The following SH3PXD2B variants were observed in gnomAD, a reference collection of about 807,000 sequenced individuals.
SH3PXD2B encodes the protein SH3 and PX domain-containing protein 2B.
Under a neutral mutation model 73.1 loss-of-function variants are expected in SH3PXD2B, and 37 were observed. That is an observed-to-expected ratio of 0.51 (90% CI 0.39 to 0.67). SH3PXD2B has a LOEUF of 0.67. Among genes scored for constraint, SH3PXD2B ranks in the 30% least tolerant of loss-of-function variants. The pLI is 0.00. For synonymous variants in SH3PXD2B, 457 were observed against 480.5 expected (o/e 0.95, Z 0.64); for missense variants, 1,053 against 1,197.8 (o/e 0.88, Z 1.78).
chr5:172,436,616 C>T (rs921648961), intron 1 of SH3PXD2B, among the ~76,000 whole-genome samples: 2 of 152,208 alleles, frequency 1.3e-5, no homozygotes, highest in African/African-American at 2.4e-5. Flanking sequence ...GCTGAGAATG[C>T]GGGCCCTCTG....
intron 5 of SH3PXD2B, among the ~76,000 whole-genome samples, chr5:172,376,468 C>G (rs1167930395): frequency 6.6e-6 from 1 of 152,166 alleles, no homozygotes; most frequent in African/African-American, 2.4e-5. Flanking sequence ...TGTGCATTTT[C>G]TTTGGAGAAA....
chr5:172,398,785 T>C (rs974130709), intron 3 of SH3PXD2B, among the ~76,000 whole-genome samples: 1 of 152,236 alleles, frequency 6.6e-6, no homozygotes, highest in African/African-American at 2.4e-5. Flanking sequence ...TTCTACACCA[T>C]GGGGAGATTC....
chr5:172,406,347 C>T lies in SH3PXD2B; in HGVS notation c.162G>A (p.Gln54=). The change falls in exon 3 of 13, where the codon CAG becomes CAA. Residue 54 remains glutamine, a synonymous_variant. Coordinates refer to ENST00000311601, the MANE Select transcript of SH3PXD2B (RefSeq NM_001017995.3). ...CTTCCATGGGAAATTTGTCCAACAT[C>T]TGCATCTAAGTGGGGGGCGAATACC... ...RYSKFFDLQM[Q]MLDKFPMEGG... is the part of the protein sequence containing the mutation. 6.2e-7 allele frequency: 1 copy of T among 1,614,108 alleles called. No homozygotes were observed. Among genetic ancestry groups the T allele is most frequent in the Non-Finnish European group, 8.5e-7 (1 of 1,180,008 alleles).
chr5:172,362,398 C>T (rs1420152408), intron 7 of SH3PXD2B, among the ~76,000 whole-genome samples: 1 of 152,196 alleles, frequency 6.6e-6, no homozygotes, highest in African/African-American at 2.4e-5. Flanking sequence ...TTCTCGGAGA[C>T]TCCCATGGGT....
In SH3PXD2B at chr5:172,368,456, T is replaced by TATATATATATTATAAATATATATAAA; in HGVS notation, c.427+5333_427+5334insTTTATATATATTTATAATATATATAT. 4.7e-5 allele frequency among the ~76,000 whole-genome samples: 2 copies of TATATATATATTATAAATATATATAAA among 42,620 alleles called. 1 individual carries two copies. The highest frequency in any genetic ancestry group is 8.9e-5 in the Non-Finnish European group (2 of 22,552). The allele number at this position is 42,620 out of a possible 152,430, so 28.0% of individuals were successfully genotyped here. Reference sequence around the variant, plus strand: ...GTGCAAGGGGAGCTAAGAATGCTTATATATATATATATTATATATATATAT... The same window carrying TATATATATATTATAAATATATATAAA: ...GTGCAAGGGGAGCTAAGAATGCTTATATATATATATTATAAATATATATAAAATATATATATATTATATATATATAT... On this transcript the variant is annotated intron_variant, in intron 6 of 12. Transcript: ENST00000311601.
rs369757212 is a variant in SH3PXD2B at position 172,338,741 on chromosome 5, G to A, written c.2364C>T (p.Ser788=). 35 of 1,614,108 alleles carry A rather than the reference G, an allele frequency of 2.2e-5. No individual in the cohort carries two copies. Among genetic ancestry groups the A allele is most frequent in the Non-Finnish European group, 3.0e-5 (35 of 1,180,054 alleles). Residue 788 remains serine (S), a synonymous_variant, in exon 13 of 13, where the codon AGC becomes AGT. Transcript: ENST00000311601. The surrounding 1 kb of genome is among the most constrained non-coding windows in gnomAD (Gnocchi z 5.1). ...VRGPQCEGHE[S]RAAPTPGRAL... ...CACGGCCTGGGGTGGGAGCTGCCCT[G>A]CTTTCGTGGCCTTCACACTGTGGAC...
intron 4 of SH3PXD2B, among the ~76,000 whole-genome samples, chr5:172,385,579 A>C (rs1758042934): frequency 6.6e-6 from 1 of 152,196 alleles, no homozygotes. Context: ...GGAGCTGGCC[A>C]TGTGTCTCTG....
At position 172,338,202 on chromosome 5, in the gene SH3PXD2B, C is replaced by A; in HGVS notation, c.*167G>T. On this transcript the variant is annotated 3_prime_UTR_variant, in exon 13 of 13. Transcript: ENST00000311601. The surrounding 1 kb of genome is among the most constrained non-coding windows in gnomAD (Gnocchi z 5.1). The stretch of plus-strand genomic sequence containing the variant: ...AGGAGGGATCAGGCCCAGGGGCGCC[C>A]GAGGTGTCCGAAACTCACTCTCCAC... The A allele has an allele frequency of 6.6e-7, 1 of 1,509,148 alleles. No homozygotes were observed. 93.5% of individuals were successfully genotyped at this position (1,509,148 alleles called of 1,614,324 possible).
intron 5 of SH3PXD2B, among the ~76,000 whole-genome samples, chr5:172,379,021 G>A (rs1757881814): frequency 7.4e-6 from 1 of 135,546 alleles, no homozygotes; most frequent in South Asian, 2.4e-4. Flanking sequence ...AGTGAGCCAA[G>A]ATCGCGCCAC....
chr5:172,325,962 T>C (rs1422438480), intron 12 of SH3PXD2B, among the ~76,000 whole-genome samples: 1 of 152,188 alleles, frequency 6.6e-6, no homozygotes, highest in African/African-American at 2.4e-5. Flanking sequence ...TAATTTTGTA[T>C]TTTTAGTAGA....
At chr5:172,344,973 GAGAA>G (rs772360974) in intron 12 of SH3PXD2B, among the ~76,000 whole-genome samples, 6 of 148,454 alleles carry the variant, frequency 4.0e-5, no homozygotes, top group South Asian at 2.1e-4. Context: ...GAAGGAGGGA[GAGAA>G]AGAAAGAAGG....
chr5:172,329,083 A>ATATATATATTT (rs58472514), downstream of SH3PXD2B, among the ~76,000 whole-genome samples: 1 of 61,812 alleles, frequency 1.6e-5, no homozygotes, highest in African/African-American at 7.8e-5. Flanking sequence ...ATATATATAT[A>ATATATATATTT]TTTTTTTTTT....
At chr5:172,381,178 C>A (rs985628648) in intron 5 of SH3PXD2B, among the ~76,000 whole-genome samples, 10 of 152,234 alleles carry the variant, frequency 6.6e-5, no homozygotes, top group Non-Finnish European at 1.3e-4. Context: ...ACGGCTGCTG[C>A]CTGGGGCATC....
At chr5:172,343,874 T>A (rs1756916810) in intron 12 of SH3PXD2B, among the ~76,000 whole-genome samples, 1 of 151,678 alleles carries the variant, frequency 6.6e-6, no homozygotes, top group Non-Finnish European at 1.5e-5. Context: ...CAGAAAGACC[T>A]GGTTTCACAA....
intron 3 of SH3PXD2B, among the ~76,000 whole-genome samples, chr5:172,398,675 A>T (rs971895374): frequency 2.0e-5 from 3 of 152,256 alleles, no homozygotes; most frequent in Non-Finnish European, 4.4e-5. Context: ...ATTAGGAAAG[A>T]TTCTTTGAAA....
At chr5:172,340,810 A>G (rs1339454150) in intron 12 of SH3PXD2B, among the ~76,000 whole-genome samples, 2 of 152,122 alleles carry the variant, frequency 1.3e-5, no homozygotes. Context: ...GGCCAGGCTG[A>G]TCTCGAACTC....
At chr5:172,434,066 TA>T (rs145780335) in intron 1 of SH3PXD2B, among the ~76,000 whole-genome samples, 4,002 of 152,252 alleles carry the variant, frequency 0.026, 203 homozygotes, top group African/African-American at 0.092. Flanking sequence ...CAGAGTAGAC[TA>T]ACTATAGTTA....
rs1756692622 is a variant in SH3PXD2B at position 172,336,437 on chromosome 5, G to A, written c.*1932C>T. On this transcript the variant is annotated 3_prime_UTR_variant, in exon 13 of 13. Transcript: ENST00000311601. Reference sequence around the variant, plus strand: ...GTGGGCCCTGCCCAAGCCTCTCTGGGAAATGGGATTTGCAGGCCGACTGGA... The same window carrying A: ...GTGGGCCCTGCCCAAGCCTCTCTGGAAAATGGGATTTGCAGGCCGACTGGA... 1 of 985,902 alleles carries A rather than the reference G, an allele frequency of 1.0e-6. No individual in the cohort carries two copies. The highest frequency in any genetic ancestry group is 1.7e-5 in the African/African-American group (1 of 57,258). 61.1% of individuals were successfully genotyped at this position (985,902 alleles called of 1,614,324 possible). A position where few individuals can be genotyped will look rare whatever the true frequency, so the allele number is the denominator to read the frequency against.
At chr5:172,329,734 T>C (rs991088226), downstream of SH3PXD2B, among the ~76,000 whole-genome samples, 4 of 152,002 alleles carry the variant, frequency 2.6e-5, no homozygotes, top group African/African-American at 9.7e-5. Flanking sequence ...AGACAGGGTT[T>C]CACTGTGTTA....
Sources: allele counts gnomAD v4.1 joint callset (sites outside exome capture counted in the v4.1 genomes callset), GRCh38; gene constraint gnomAD v4.1.1; non-coding constraint Gnocchi (gnomAD v3.1); transcripts MANE v1.5; gene names NCBI Gene and HGNC (gene_info 2026-07-23, HGNC 2026-07-21).